Variants in MYOM2 observed in about 807,000 individuals in gnomAD.
MYOM2 encodes myomesin-2.
A neutral mutation model predicts 187.6 loss-of-function variants in MYOM2; 254 were observed. The observed-to-expected ratio is 1.35, with a 90% CI of 1.22 to 1.50. MYOM2 has a LOEUF of 1.50. Among genes scored for constraint, MYOM2 ranks in the 40% most tolerant of loss-of-function variants. The pLI, the probability that MYOM2 is intolerant of heterozygous loss-of-function variation, is 0.00. For missense variants in MYOM2, 2,796 were observed against 1,924.0 expected (o/e 1.45, Z -8.48); for synonymous variants, 981 against 753.8 (o/e 1.30, Z -4.94).
At chr8:2,086,501 T>TGTTGTGATCTCCGCGTGGCCCCCCACA (rs1796077396) in intron 14 of MYOM2, among the ~76,000 whole-genome samples, 4 of 145,618 alleles carry the variant, frequency 2.7e-5, no homozygotes, top group Admixed American at 7.0e-5. Context: ...GGCCCCCCAC[T>TGTTGTGATCTCCGCGTGGCCCCCCACA]GTCGTGATCT....
rs774396515 is a variant in MYOM2, at chr8:2,085,474, G to A, written c.1644+84G>A. On this transcript the variant is annotated intron_variant, in intron 14 of 36. Coordinates refer to ENST00000262113, the MANE Select transcript of MYOM2 (RefSeq NM_003970.4). ...GATCTCTGCGTGGCCCACCGCTGTC[G>A]TGATCTCCGCGTGGCCCCTCACTGT... 2.8e-4 allele frequency: 413 copies of A among 1,478,200 alleles called. 11 individuals are homozygous for A. In the Middle Eastern group the frequency reaches 3.7e-3, roughly 13 times the overall value. The allele number at this position is 1,478,200 out of a possible 1,614,324, so 91.6% of individuals were successfully genotyped here.
intron 14 of MYOM2, among the ~76,000 whole-genome samples, chr8:2,086,342 TGTGATCTCTGC>T (rs1796048871): frequency 1.2e-4 from 1 of 8,226 alleles, no homozygotes; most frequent in Non-Finnish European, 2.8e-4. Context: ...CCCCCACTGT[TGTGATCTCTGC>T]GTGGCCTCCC....
rs200160378 is a variant in MYOM2, at chr8:2,144,746, G to C, written c.4163G>C (p.Ser1388Thr). 9.3e-6 allele frequency: 15 copies of C among 1,614,132 alleles called. No homozygotes were observed. Among genetic ancestry groups the C allele is most frequent in the Non-Finnish European group, 1.2e-5 (14 of 1,180,024 alleles). The change falls in exon 37 of 37, where the codon AGC becomes ACC. Residue 1388 changes from serine to threonine, a missense_variant. Physicochemically the swap from Ser to Thr is moderately conservative, Grantham distance 58. Transcript: ENST00000262113. Reference protein sequence around the residue: ...WFKNDQDIQLSEHFSVKVEQA... With the variant: ...WFKNDQDIQLTEHFSVKVEQA... ...AAGAACGACCAGGACATCCAGCTCAGCGAGCACTTCTCGGTGAAGGTGGAG... is the reference window on the plus strand; with the variant it reads ...AAGAACGACCAGGACATCCAGCTCACCGAGCACTTCTCGGTGAAGGTGGAG...
intron 3 of MYOM2, 84 bp from the exon 4 acceptor site, chr8:2,057,264 A>G (rs1818696063): frequency 6.7e-7 from 1 of 1,484,700 alleles, no homozygotes; most frequent in African/African-American, 1.4e-5. Context: ...TAGGGAGAGA[A>G]TGGGCATGCC....
chr8:2,057,241 C>A (rs1455464297), intron 3 of MYOM2, 107 bp from the exon 4 acceptor site: 4 of 1,344,014 alleles, frequency 3.0e-6, no homozygotes, highest in Non-Finnish European at 4.0e-6. Flanking sequence ...CTTGAACGCA[C>A]TTAAGGAAAC....
intron 14 of MYOM2, 33 bp downstream of exon 14, chr8:2,085,423 A>C (rs1433435663): frequency 1.9e-6 from 3 of 1,608,376 alleles, no homozygotes; most frequent in African/African-American, 2.7e-5. Flanking sequence ...GGAAAAGTAG[A>C]TCTCTGCATG....
At chr8:2,114,677 C>G (rs141291455) in intron 25 of MYOM2, among the ~76,000 whole-genome samples, 1 of 152,162 alleles carries the variant, frequency 6.6e-6, no homozygotes, top group Non-Finnish European at 1.5e-5. Context: ...ACCATGTTGG[C>G]CAAGCTGGTC....
chr8:2,112,397 G>T (rs114841967), intron 25 of MYOM2, among the ~76,000 whole-genome samples: 1 of 151,800 alleles, frequency 6.6e-6, no homozygotes, highest in African/African-American at 2.4e-5. Context: ...ATCATGGGTC[G>T]GGGGGTGGGG....
intron 17 of MYOM2, among the ~76,000 whole-genome samples, chr8:2,095,932 A>T (rs1796466525): frequency 6.6e-6 from 1 of 152,248 alleles, no homozygotes; most frequent in Non-Finnish European, 1.5e-5. Flanking sequence ...GGCCGAGAAG[A>T]CAGAACATCT....
In MYOM2 at chr8:2,124,362, T is replaced by C. The variant is rs565436274; in HGVS notation, c.3694+145T>C. 3 of 748,688 alleles carry C rather than the reference T, an allele frequency of 4.0e-6. No individual in the cohort carries two copies. In the Admixed American group the frequency reaches 9.1e-5, roughly 23 times the overall value. The allele number at this position is 748,688 out of a possible 1,614,324, so 46.4% of individuals were successfully genotyped here. A position where few individuals can be genotyped will look rare whatever the true frequency, so the allele number is the denominator to read the frequency against. ...GGCCCTGGATGGAAGGGCAGGGTGG[T>C]GATCTGCTGCCGATGAAGCTTTTTA... On this transcript the variant is annotated intron_variant, in intron 31 of 36. Coordinates refer to ENST00000262113, the MANE Select transcript of MYOM2 (RefSeq NM_003970.4).
rs766807302 is a variant in MYOM2 at position 2,059,237 on chromosome 8, G to A, written c.645G>A (p.Glu215=). 1.2e-6 allele frequency: 2 copies of A among 1,614,070 alleles called. No homozygotes were observed. Among genetic ancestry groups the A allele is most frequent in the Non-Finnish European group, 8.5e-7 (1 of 1,179,958 alleles). The part of the protein sequence containing the change: ...IESNYGVHTL[E]INRADFDDTA... ...GCAACTATGGCGTACACACACTGGA[G>A]ATCAACAGGTATGGCTGTGGTGGGG... The change falls in exon 6 of 37, where the codon GAG becomes GAA. Residue 215 remains glutamate (E), a synonymous_variant. Coordinates refer to ENST00000262113, the MANE Select transcript of MYOM2 (RefSeq NM_003970.4).
chr8:2,118,634 T>C (rs1482816491), intron 28 of MYOM2, among the ~76,000 whole-genome samples: 1 of 152,006 alleles, frequency 6.6e-6, no homozygotes, highest in Non-Finnish European at 1.5e-5. Flanking sequence ...TCTAGGAAGA[T>C]CCAGCAGCAG....
Position 2,079,560 on chromosome 8 carries a change from C to T in MYOM2, c.1463C>T (p.Ala488Val). Residue 488 changes from alanine to valine, a missense_variant and splice_region_variant, in exon 13 of 37, where the codon GCC (alanine) becomes GTC (valine). By Grantham distance (64) the Ala-to-Val change is moderately conservative. Coordinates refer to ENST00000262113, the MANE Select transcript of MYOM2 (RefSeq NM_003970.4). ...LDPLDLRRLQ[A>V]VHLEGEKEIA... ...CGAGTGTCAACCTTTCTCTCCGCAG[C>T]CGTTCATTTGGAGGGAGAGAAGGAG... 1.9e-6 allele frequency: 3 copies of T among 1,614,020 alleles called. No homozygotes were observed. Among genetic ancestry groups the T allele is most frequent in the Non-Finnish European group, 2.5e-6 (3 of 1,179,970 alleles).
At position 2,076,608 on chromosome 8, in the gene MYOM2, C is replaced by T. The variant is rs1315643946; in HGVS notation, c.1262+326C>T. ...TGGTTCTGCTGAGGTCCGGGCTGTGCCCCGTACCGGACAGGGCCCTGGCTT... is the reference window on the plus strand; with the variant it reads ...TGGTTCTGCTGAGGTCCGGGCTGTGTCCCGTACCGGACAGGGCCCTGGCTT... On this transcript the variant is annotated intron_variant, in intron 11 of 36. Coordinates refer to ENST00000262113, the MANE Select transcript of MYOM2 (RefSeq NM_003970.4). 3.0e-5 allele frequency: 8 copies of T among 267,120 alleles called. No homozygotes were observed. In the East Asian group the frequency reaches 5.7e-4, roughly 19 times the overall value. 16.5% of individuals were successfully genotyped at this position (267,120 alleles called of 1,614,324 possible). A position where few individuals can be genotyped will look rare whatever the true frequency, so the allele number is the denominator to read the frequency against.
chr8:2,080,072 T>A (rs925820815), intron 13 of MYOM2, among the ~76,000 whole-genome samples: 1 of 152,390 alleles, frequency 6.6e-6, no homozygotes, highest in African/African-American at 2.4e-5. Flanking sequence ...GGTCCTTATG[T>A]ATATTTGATT....
chr8:2,080,605 G>T (rs1220559283), intron 13 of MYOM2, among the ~76,000 whole-genome samples: 1 of 152,246 alleles, frequency 6.6e-6, no homozygotes, highest in East Asian at 1.9e-4. Flanking sequence ...ATGAAAGTGA[G>T]GGATTTGAGG....
intron 31 of MYOM2, among the ~76,000 whole-genome samples, chr8:2,126,782 A>C (rs1797657848): frequency 1.8e-5 from 1 of 55,672 alleles, no homozygotes. Context: ...GGAGAGGCTG[A>C]TGGAGGCTGG....
intron 6 of MYOM2, among the ~76,000 whole-genome samples, chr8:2,063,111 C>G (rs182433215): frequency 7.9e-5 from 12 of 152,288 alleles, no homozygotes; most frequent in Middle Eastern, 3.4e-3. Flanking sequence ...TCTCAGTATT[C>G]TTGTTGGTCC....
intron 32 of MYOM2, among the ~76,000 whole-genome samples, chr8:2,131,066 G>C (rs1261095611): frequency 6.6e-6 from 1 of 152,154 alleles, no homozygotes; most frequent in Non-Finnish European, 1.5e-5. Context: ...GTGGTTTGTA[G>C]TACAGGCCAT....
Sources: allele counts gnomAD v4.1 joint callset (sites outside exome capture counted in the v4.1 genomes callset), GRCh38; gene constraint gnomAD v4.1.1; transcripts MANE v1.5; gene names NCBI Gene and HGNC (gene_info 2026-07-23, HGNC 2026-07-21).